The following SSC5D variants were observed in gnomAD, a reference collection of about 807,000 sequenced individuals.
SSC5D encodes the protein scavenger receptor cysteine rich family member with 5 domains.
SSC5D carries 106 observed loss-of-function variants against 104.6 expected under a neutral mutation model. The observed-to-expected ratio is 1.01, with a 90% CI of 0.87 to 1.19. The LOEUF is 1.19. Among genes scored for constraint, SSC5D ranks in the 50% most tolerant of loss-of-function variants. The pLI, the probability that SSC5D is intolerant of heterozygous loss-of-function variation, is 0.00. For missense variants in SSC5D, 1,993 were observed against 2,153.8 expected, an observed-to-expected ratio of 0.93 and a Z score of 1.48; for synonymous variants, 860 against 883.5, an observed-to-expected ratio of 0.97 and a Z score of 0.47.
chr19:55,507,538 T>C (rs964975107), intron 12 of SSC5D, among the ~76,000 whole-genome samples: 5 of 150,448 alleles, frequency 3.3e-5, no homozygotes, highest in Admixed American at 2.7e-4. Context: ...TGGTGGTGCA[T>C]GCCTATAATC....
At chr19:55,499,735 T>C (rs1281194192) in intron 9 of SSC5D, 81 bp from the exon 10 acceptor site, 1 of 1,101,616 alleles carries the variant, frequency 9.1e-7, no homozygotes, top group African/African-American at 1.6e-5. Flanking sequence ...GGTGAGTGAC[T>C]GGAGAGAAGG....
rs901477822 is a variant in SSC5D, at chr19:55,489,666, A to G, written c.361+4A>G. 8.5e-6 allele frequency: 13 copies of G among 1,531,118 alleles called. No individual in the cohort carries two copies. The highest frequency in any genetic ancestry group is 1.0e-5 in the Non-Finnish European group (12 of 1,143,442). 94.8% of individuals were successfully genotyped at this position (1,531,118 alleles called of 1,614,324 possible). On this transcript the variant is annotated splice_donor_region_variant and intron_variant, in intron 3 of 13. Coordinates refer to ENST00000389623, the MANE Select transcript of SSC5D (RefSeq NM_001144950.2). ...GACGCGGGCGTCGTCTGCGCAGGTGAGGACACCCTGGCTGCTCCTTCAGGG... is the reference window on the plus strand; with the variant it reads ...GACGCGGGCGTCGTCTGCGCAGGTGGGGACACCCTGGCTGCTCCTTCAGGG...
chr19:55,488,500 TCCCTCCC>T lies in SSC5D; in HGVS notation c.-89_-83del. 1 of 1,206,506 alleles carries T rather than the reference TCCCTCCC, an allele frequency of 8.3e-7. No individual in the cohort carries two copies. The highest frequency in any genetic ancestry group is 1.2e-6 in the Non-Finnish European group (1 of 848,144). 74.7% of individuals were successfully genotyped at this position (1,206,506 alleles called of 1,614,324 possible). ...GGCCTGGGCGCCTCCAGCAGGCACT[TCCCTCCC>T]TCCCTCTCTCCCCAGCTGCCTCCTC... is the stretch of plus-strand genomic sequence containing the variant. On this transcript the variant is annotated 5_prime_UTR_variant, in exon 1 of 14. Transcript: ENST00000389623.
In SSC5D at chr19:55,513,087, C is replaced by T. The variant is rs556555499; in HGVS notation, c.2862C>T (p.Thr954=). 29 of 1,550,746 alleles carry T rather than the reference C, an allele frequency of 1.9e-5. No individual in the cohort carries two copies. Among genetic ancestry groups the T allele is most frequent in the Middle Eastern group, 3.3e-4 (2 of 5,978 alleles). Residue 954 remains threonine (T), a synonymous_variant, in exon 13 of 14, where the codon ACC becomes ACT. Coordinates refer to ENST00000389623, the MANE Select transcript of SSC5D (RefSeq NM_001144950.2). ...GGGGCCTGGCTGAGGGGACCCCTACCGCAGGCAAACTAGGACCAACTCTTG... is the reference window on the plus strand; with the variant it reads ...GGGGCCTGGCTGAGGGGACCCCTACTGCAGGCAAACTAGGACCAACTCTTG... ...SGRGLAEGTP[T]AGKLGPTLGA...
chr19:55,492,243 GTA>G (rs1987170048), intron 6 of SSC5D: 2 of 152,310 alleles, frequency 1.3e-5, no homozygotes, highest in Non-Finnish European at 2.9e-5. Flanking sequence ...CTCTGGGTCT[GTA>G]TAGACCCACG....
At position 55,489,022 on chromosome 19, in the gene SSC5D, C is replaced by G; in HGVS notation, c.42C>G (p.Ile14Met). Residue 14 changes from isoleucine to methionine, a missense_variant, in exon 2 of 14, where the codon ATC becomes ATG. Around this residue, in one of 6 missense-constraint regions of SSC5D, gnomAD observed 1,101 missense variants for 1,085.0 expected, o/e 1.01. Coordinates refer to ENST00000389623, the MANE Select transcript of SSC5D (RefSeq NM_001144950.2). The part of the protein sequence containing the change: ...LACLLAALVG[I>M]QAVERLRLAD... ...CCCTTCCAGCGGCCCTGGTGGGGAT[C>G]CAGGCTGTTGGTAAGTGCCCAGACT... The G allele has an allele frequency of 6.7e-7, 1 of 1,496,434 alleles. No individual in the cohort carries two copies. The highest frequency in any genetic ancestry group is 8.9e-7 in the Non-Finnish European group (1 of 1,123,376). 92.7% of individuals were successfully genotyped at this position (1,496,434 alleles called of 1,614,324 possible). A position where few individuals can be genotyped will look rare whatever the true frequency, so the allele number is the denominator to read the frequency against.
At chr19:55,489,772 A>T (rs1987079536) in intron 3 of SSC5D, 110 bp downstream of exon 3, 1 of 1,484,112 alleles carries the variant, frequency 6.7e-7, no homozygotes, top group Non-Finnish European at 9.2e-7. Context: ...AGAGACACCC[A>T]ACCTCCCATC....
intron 8 of SSC5D, among the ~76,000 whole-genome samples, chr19:55,497,066 C>T (rs1232796883): frequency 6.6e-6 from 1 of 152,226 alleles, no homozygotes; most frequent in Non-Finnish European, 1.5e-5. Flanking sequence ...GGGCCTGCTG[C>T]TCCCTGTCTT....
chr19:55,493,426 A>T (rs1275207055), intron 6 of SSC5D, among the ~76,000 whole-genome samples, 169 bp from the exon 7 acceptor site: 2 of 151,948 alleles, frequency 1.3e-5, no homozygotes, highest in Admixed American at 1.3e-4. Context: ...CCAGAGTTGG[A>T]CTCCGGGCCA....
At chr19:55,510,089 C>T (rs761542731) in intron 12 of SSC5D, among the ~76,000 whole-genome samples, 11 of 151,916 alleles carry the variant, frequency 7.2e-5, no homozygotes, top group African/African-American at 2.4e-4. Context: ...CCTCCGCCTC[C>T]AAGGCTCAAG....
chr19:55,511,467 G>A (rs1376376053), intron 12 of SSC5D, among the ~76,000 whole-genome samples: 1 of 152,138 alleles, frequency 6.6e-6, no homozygotes, highest in African/African-American at 2.4e-5. Context: ...GGGTGGGGGC[G>A]GCAGCGTGGG....
At chr19:55,515,415 A>AAAAAAAAAAAG (rs1555767622) in intron 13 of SSC5D, among the ~76,000 whole-genome samples, 1 of 143,902 alleles carries the variant, frequency 6.9e-6, no homozygotes, top group Non-Finnish European at 1.5e-5. Context: ...AAAAAAAAAA[A>AAAAAAAAAAAG]AAGTTAAATG....
Position 55,517,496 on chromosome 19 carries a change from C to T in SSC5D, c.3220C>T (p.Pro1074Ser). ...AAGCCCTGACTTTGCTTTGTCCACC[C>T]CTGACTCCAGTGTGGTTCCCGCGTT... is the stretch of plus-strand genomic sequence containing the variant. ...LTSPDFALSTPDSSVVPALTP... is the reference protein window; with the variant it reads ...LTSPDFALSTSDSSVVPALTP... The change falls in exon 14 of 14, where the codon CCT (proline) becomes TCT (serine). Residue 1074 changes from proline to serine, a missense_variant. Coordinates refer to ENST00000389623, the MANE Select transcript of SSC5D (RefSeq NM_001144950.2). 2 of 1,551,408 alleles carry T rather than the reference C, an allele frequency of 1.3e-6. No homozygotes were observed. Among genetic ancestry groups the T allele is most frequent in the East Asian group, 4.9e-5 (2 of 40,892 alleles).
intron 6 of SSC5D, 138 bp downstream of exon 6, chr19:55,491,218 AC>A: frequency 3.2e-6 from 3 of 946,506 alleles, no homozygotes; most frequent in Non-Finnish European, 4.6e-6. Context: ...GCGCCCACTC[AC>A]CACGCTCTCC....
At chr19:55,510,261 A>C (rs1298461736) in intron 12 of SSC5D, among the ~76,000 whole-genome samples, 1 of 152,192 alleles carries the variant, frequency 6.6e-6, no homozygotes, top group Non-Finnish European at 1.5e-5. Context: ...GGCCTCCCAA[A>C]GTGCTGGGAT....
chr19:55,489,026 GCTGTTGGTAAGT>G lies in SSC5D; in HGVS notation c.47_52+6del, dbSNP rs1248050501. 8 of 1,492,024 alleles carry G rather than the reference GCTGTTGGTAAGT, an allele frequency of 5.4e-6. No individual in the cohort carries two copies. In the East Asian group the frequency reaches 1.9e-4, roughly 35 times the overall value. The allele number at this position is 1,492,024 out of a possible 1,614,324, so 92.4% of individuals were successfully genotyped here. ...TCCAGCGGCCCTGGTGGGGATCCAG[GCTGTTGGTAAGT>G]GCCCAGACTCCTCCCATCTGCCCGC... On this transcript the variant is annotated splice_donor_variant and splice_donor_5th_base_variant and coding_sequence_variant and intron_variant, in exon 2 of 14. Coordinates refer to ENST00000389623, the MANE Select transcript of SSC5D (RefSeq NM_001144950.2). LOFTEE classifies it high-confidence loss of function.
chr19:55,495,268 G>T (rs1407357874), intron 8 of SSC5D, among the ~76,000 whole-genome samples: 2 of 48,876 alleles, frequency 4.1e-5, no homozygotes, highest in African/African-American at 7.1e-5. Flanking sequence ...TTTGAGAGTG[G>T]ATTTAATTCT....
intron 12 of SSC5D, among the ~76,000 whole-genome samples, chr19:55,512,432 T>C (rs1987779029): frequency 6.6e-6 from 1 of 150,518 alleles, no homozygotes; most frequent in African/African-American, 2.4e-5. Context: ...AAAGATGTTA[T>C]GGTTTTTCCC....
rs1272712568 is a variant in SSC5D, at chr19:55,498,169, C to T, written c.1677C>T (p.His559=). Residue 559 remains histidine (H), a synonymous_variant, in exon 9 of 14, where the codon CAC becomes CAT. Transcript: ENST00000389623. ...AAPWGKHNCA[H]NEDVGVTCTG... ...CCTGGGGAAAGCACAACTGCGCTCA[C>T]AATGAGGATGTTGGGGTCACCTGCA... The T allele has an allele frequency of 6.4e-7, 1 of 1,551,624 alleles. No individual in the cohort carries two copies. Among genetic ancestry groups the T allele is most frequent in the Non-Finnish European group, 8.7e-7 (1 of 1,147,014 alleles).
Sources: allele counts gnomAD v4.1 joint callset (sites outside exome capture counted in the v4.1 genomes callset), GRCh38; gene constraint gnomAD v4.1.1; regional missense constraint gnomAD v4.1.1; transcripts MANE v1.5; gene names NCBI Gene and HGNC (gene_info 2026-07-23, HGNC 2026-07-21).